The following SUPT3H variants were observed in gnomAD, a reference collection of about 807,000 sequenced individuals.
SUPT3H encodes transcription initiation protein SPT3 homolog.
Under a neutral mutation model 44.3 loss-of-function variants are expected in SUPT3H, and 44 were observed. The observed-to-expected ratio is 0.99, with a 90% confidence interval of 0.78 to 1.28. SUPT3H has a LOEUF of 1.28. SUPT3H is among the 50% of genes most tolerant of loss of function. SUPT3H has a pLI of 0.00. For missense variants in SUPT3H, 380 were observed against 387.1 expected (o/e 0.98, Z 0.15); for synonymous variants, 124 against 125.6 (o/e 0.99, Z 0.09).
At chr6:45,249,456 A>AT (rs1435455854) in intron 2 of SUPT3H, among the ~76,000 whole-genome samples, 1 of 152,014 alleles carries the variant, frequency 6.6e-6, no homozygotes, top group African/African-American at 2.4e-5. Context: ...ACACACAAAA[A>AT]AAAAAAGGGA....
intron 2 of SUPT3H, among the ~76,000 whole-genome samples, chr6:45,185,526 C>T (rs899195965): frequency 2.0e-5 from 3 of 152,146 alleles, no homozygotes; most frequent in Admixed American, 6.5e-5. Flanking sequence ...AGTCCAAAAC[C>T]GCAACAGCCT....
At chr6:45,285,665 T>C (rs1779100994) in intron 2 of SUPT3H, among the ~76,000 whole-genome samples, 1 of 152,170 alleles carries the variant, frequency 6.6e-6, no homozygotes, top group African/African-American at 2.4e-5. Flanking sequence ...ATGGCCATAC[T>C]GCCCAAGATA....
At chr6:45,236,528 C>T (rs1463560159) in intron 2 of SUPT3H, among the ~76,000 whole-genome samples, 1 of 152,080 alleles carries the variant, frequency 6.6e-6, no homozygotes, top group Non-Finnish European at 1.5e-5. Context: ...ATGTTCATCC[C>T]TACCCTTCTG....
chr6:45,080,401 A>C (rs1295062695), intron 3 of SUPT3H, among the ~76,000 whole-genome samples: 1 of 152,148 alleles, frequency 6.6e-6, no homozygotes, highest in Non-Finnish European at 1.5e-5. Context: ...AAATCTAAAA[A>C]CAGAGCTACC....
chr6:45,101,626 A>G (rs1798588492), intron 3 of SUPT3H, among the ~76,000 whole-genome samples: 1 of 152,174 alleles, frequency 6.6e-6, no homozygotes, highest in Non-Finnish European at 1.5e-5. Flanking sequence ...TATATTTCCA[A>G]ATAGCTAGGA....
chr6:44,923,948 C>T (rs755174528), intron 10 of SUPT3H, among the ~76,000 whole-genome samples: 9 of 152,042 alleles, frequency 5.9e-5, no homozygotes, highest in Non-Finnish European at 1.2e-4. Flanking sequence ...TTTCAATAGA[C>T]GAAGCAAAAT....
chr6:44,989,208 C>A (rs1167221286), intron 6 of SUPT3H, among the ~76,000 whole-genome samples: 1 of 152,112 alleles, frequency 6.6e-6, no homozygotes, highest in Non-Finnish European at 1.5e-5. Flanking sequence ...TTTGGTTACA[C>A]TGCATGTATA....
At chr6:44,812,321 G>A (rs1199010954) in intron 11 of SUPT3H, among the ~76,000 whole-genome samples, 2 of 152,084 alleles carry the variant, frequency 1.3e-5, no homozygotes, top group Non-Finnish European at 2.9e-5. Flanking sequence ...CTCCATTTTC[G>A]AGCCGTCTGT....
At chr6:45,069,442 A>G (rs1298085604) in intron 3 of SUPT3H, among the ~76,000 whole-genome samples, 3 of 152,200 alleles carry the variant, frequency 2.0e-5, no homozygotes, top group East Asian at 3.8e-4. Context: ...AGGAAAAAGG[A>G]TGGATCTGTG....
intron 2 of SUPT3H, among the ~76,000 whole-genome samples, chr6:45,310,988 G>T (rs1483662889): frequency 6.6e-6 from 1 of 152,184 alleles, no homozygotes; most frequent in East Asian, 1.9e-4. Context: ...AACAGGGAGG[G>T]ACCAGAGAAA....
chr6:45,365,362 A>G, intron 1 of SUPT3H, 61 bp from the exon 2 acceptor site: 2 of 1,132,574 alleles, frequency 1.8e-6, no homozygotes, highest in South Asian at 1.4e-5. Flanking sequence ...AATGCAAAAA[A>G]AAAAGAAAGC....
intron 2 of SUPT3H, among the ~76,000 whole-genome samples, chr6:45,364,016 G>C (rs1429492850): frequency 6.6e-6 from 1 of 151,882 alleles, no homozygotes; most frequent in African/African-American, 2.4e-5. Context: ...TTGGGAGGCT[G>C]AGGCAGGAAA....
At position 44,920,759 on chromosome 6, in the gene SUPT3H, C is replaced by T. The variant is rs543342999; in HGVS notation, c.912+11894G>A. Among the ~76,000 whole-genome samples the T allele has an allele frequency of 3.9e-5, 6 of 152,276 alleles. No homozygotes were observed. In the South Asian group the frequency reaches 1.2e-3, roughly 32 times the overall value. ...AAAAGTCCTTCTCAAAATGGCATCA[C>T]TTTATCTTTGATGCTTCATCTCATC... On this transcript the variant is annotated intron_variant, in intron 10 of 10. Transcript: ENST00000371459.
chr6:45,307,311 G>T (rs1241353869), intron 2 of SUPT3H, among the ~76,000 whole-genome samples: 1 of 152,232 alleles, frequency 6.6e-6, no homozygotes, highest in African/African-American at 2.4e-5. Flanking sequence ...AGAACAGACA[G>T]ACTGCCTCCT....
chr6:45,285,416 T>G (rs1162152766), intron 2 of SUPT3H, among the ~76,000 whole-genome samples: 1 of 152,172 alleles, frequency 6.6e-6, no homozygotes, highest in Non-Finnish European at 1.5e-5. Flanking sequence ...AAAATCAATG[T>G]GCAAAAATCA....
chr6:44,941,832 T>C (rs910608359), intron 9 of SUPT3H, among the ~76,000 whole-genome samples: 1 of 152,182 alleles, frequency 6.6e-6, no homozygotes, highest in Admixed American at 6.6e-5. Flanking sequence ...TGAACCATTA[T>C]AGCATCATAG....
At chr6:44,809,162 A>G (rs942992123), downstream of SUPT3H, among the ~76,000 whole-genome samples, 2 of 152,222 alleles carry the variant, frequency 1.3e-5, no homozygotes, top group African/African-American at 2.4e-5. Flanking sequence ...CAAGTTGTTT[A>G]TTAGTCTTGT....
chr6:45,282,047 C>A (rs898889242), intron 2 of SUPT3H, among the ~76,000 whole-genome samples: 5 of 152,166 alleles, frequency 3.3e-5, no homozygotes, highest in African/African-American at 1.2e-4. Flanking sequence ...AGAAGGAAAA[C>A]TAACAAACAG....
Position 44,920,393 on chromosome 6 carries a change from G to A in SUPT3H, c.912+12260C>T, listed in dbSNP as rs1161761354. On this transcript the variant is annotated intron_variant, in intron 10 of 10. Coordinates refer to ENST00000371459, the MANE Select transcript of SUPT3H (RefSeq NM_003599.4). ...TAGAGACCAGTCCGGGCAAGAGAGT[G>A]AGACCCCATCTCTCCAAAAAGTTTT... 2.0e-5 allele frequency among the ~76,000 whole-genome samples: 3 copies of A among 151,930 alleles called. No homozygotes were observed. The East Asian group carries it at 5.8e-4, about 29-fold the overall frequency.
Sources: allele counts gnomAD v4.1 joint callset (sites outside exome capture counted in the v4.1 genomes callset), GRCh38; gene constraint gnomAD v4.1.1; transcripts MANE v1.5; gene names NCBI Gene and HGNC (gene_info 2026-07-23, HGNC 2026-07-21).